The following TSBP1 variants were observed in gnomAD, a reference collection of about 807,000 sequenced individuals.
TSBP1 encodes testis expressed basic protein 1.
Under a neutral mutation model 68.8 loss-of-function variants are expected in TSBP1, and 56 were observed. The observed-to-expected ratio is 0.81, with a 90% confidence interval of 0.66 to 1.02. The LOEUF is 1.02. Among genes scored for constraint, TSBP1 ranks in the 50% least tolerant of loss-of-function variants. The pLI is 0.00. For synonymous variants in TSBP1, 171 were observed against 208.7 expected, an observed-to-expected ratio of 0.82 and a Z score of 1.56; for missense variants, 502 against 641.2, an observed-to-expected ratio of 0.78 and a Z score of 2.34.
intron 19 of TSBP1, among the ~76,000 whole-genome samples, chr6:32,308,431 T>G (rs185480836): frequency 0.038 from 5,650 of 150,578 alleles, 300 homozygotes; most frequent in African/African-American, 0.12. Flanking sequence ...ACCCCGTCTC[T>G]ACTAAAAATA....
At chr6:32,370,027 G>A (rs2127668851) in intron 1 of TSBP1, 44 bp from the exon 2 acceptor site, 1 of 1,258,828 alleles carries the variant, frequency 7.9e-7, no homozygotes, top group Non-Finnish European at 1.2e-6. Flanking sequence ...TTTAGACCAG[G>A]AAATTACCAG....
At position 32,325,999 on chromosome 6, in the gene TSBP1, G is replaced by T; in HGVS notation, c.515-2385C>A. ...TTTTGGAGGTGGTGGAAGCTACAATGATTTTGGCAATTACAACAATCAGTC... is the reference window on the plus strand; with the variant it reads ...TTTTGGAGGTGGTGGAAGCTACAATTATTTTGGCAATTACAACAATCAGTC... On this transcript the variant is annotated intron_variant, in intron 16 of 22. Transcript: ENST00000612031. This position sits in a 1 kb window ranked among gnomAD's most constrained non-coding sequence, Gnocchi z 4.4. 6.5e-7 allele frequency: 1 copy of T among 1,545,188 alleles called. No homozygotes were observed. The highest frequency in any genetic ancestry group is 2.3e-4 in the Middle Eastern group (1 of 4,316).
At chr6:32,324,915 T>C (rs1768049206) in intron 16 of TSBP1, among the ~76,000 whole-genome samples, 1 of 152,094 alleles carries the variant, frequency 6.6e-6, no homozygotes. Flanking sequence ...CAAGTTCCAA[T>C]AGACATCAGT....
At position 32,327,519 on chromosome 6, in the gene TSBP1, T is replaced by A. The variant is rs117214340; in HGVS notation, c.514+3070A>T. ...GTTTCTGCTGGTCTGAGGCAGGAGA[T>A]TGGCTATAAAGTGGTAAAGTGAGGC... On this transcript the variant is annotated intron_variant, in intron 16 of 22. Transcript: ENST00000612031. Among the ~76,000 whole-genome samples, 497 of 152,294 alleles carry A rather than the reference T, an allele frequency of 3.3e-3. 15 individuals carry two copies. The East Asian group carries it at 0.069, about 21-fold the overall frequency.
exon 23 of TSBP1, chr6:32,293,982 T>C: frequency 6.2e-7 from 1 of 1,612,452 alleles, no homozygotes; most frequent in East Asian, 2.2e-5. Flanking sequence ...AGAATCTGGA[T>C]TTTGGAACAA....
At chr6:32,313,108 T>C (rs1766576782) in intron 19 of TSBP1, among the ~76,000 whole-genome samples, 1 of 152,148 alleles carries the variant, frequency 6.6e-6, no homozygotes, top group African/African-American at 2.4e-5. Flanking sequence ...TCTGCCTCCT[T>C]CTTTCTAGCC....
exon 5 of TSBP1, chr6:32,366,276 T>G: frequency 6.3e-7 from 1 of 1,599,610 alleles, no homozygotes; most frequent in South Asian, 1.1e-5. Flanking sequence ...AATTTACCAC[T>G]TTGTGTTGAA....
Position 32,325,913 on chromosome 6 carries a change from G to C in TSBP1, c.515-2299C>G. 1 of 1,553,926 alleles carries C rather than the reference G, an allele frequency of 6.4e-7. No individual in the cohort carries two copies. The highest frequency in any genetic ancestry group is 1.1e-5 in the South Asian group (1 of 89,924). ...TGTGGTGGCTTTGGTGGCAGCTGTG[G>C]TGGTGGTGGATATGGTGGCAGTGAG... On this transcript the variant is annotated intron_variant, in intron 16 of 22. Coordinates refer to ENST00000612031, the Ensembl canonical transcript of TSBP1. This position sits in a 1 kb window ranked among gnomAD's most constrained non-coding sequence, Gnocchi z 4.4.
Position 32,357,772 on chromosome 6 carries a change from T to C in TSBP1, c.218-2103A>G, listed in dbSNP as rs1458884737. 1.3e-5 allele frequency among the ~76,000 whole-genome samples: 2 copies of C among 152,124 alleles called. No homozygotes were observed. The highest frequency in any genetic ancestry group is 1.3e-4 in the Admixed American group (2 of 15,270). On this transcript the variant is annotated intron_variant, in intron 6 of 22. Transcript: ENST00000612031. The surrounding 1 kb of genome is among the most constrained non-coding windows in gnomAD (Gnocchi z 4.7). ...ATTCCAAGGTAGATAGTCTGAGCAA[T>C]TAGGTGAATACAGGTGCTAGCACCA... is the stretch of plus-strand genomic sequence containing the variant.
At chr6:32,355,242 G>T (rs1772166280) in intron 7 of TSBP1, 98 bp from the exon 8 acceptor site, 3 of 1,285,170 alleles carry the variant, frequency 2.3e-6, no homozygotes, top group African/African-American at 1.5e-5. Flanking sequence ...CTTCTCAGGA[G>T]TTAAAGTCTA....
At chr6:32,369,353 T>G (rs1293606278) in intron 2 of TSBP1, among the ~76,000 whole-genome samples, 2 of 148,490 alleles carry the variant, frequency 1.3e-5, no homozygotes, top group Non-Finnish European at 3.0e-5. Flanking sequence ...ATATTCTTAT[T>G]ACTTTTGCTA....
At chr6:32,318,553 T>C (rs1767226058) in intron 18 of TSBP1, among the ~76,000 whole-genome samples, 1 of 152,198 alleles carries the variant, frequency 6.6e-6, no homozygotes, top group Non-Finnish European at 1.5e-5. Context: ...TAATGAAATA[T>C]TATTTGGCCA....
At position 32,306,600 on chromosome 6, in the gene TSBP1, C is replaced by T. The variant is rs1765803317; in HGVS notation, c.581-3971G>A. On this transcript the variant is annotated intron_variant, in intron 19 of 22. Transcript: ENST00000612031. The surrounding 1 kb of genome is among the most constrained non-coding windows in gnomAD (Gnocchi z 5.1). ...TGTGTATCAATATTGTAAAAATCAG[C>T]ACTAAAATTGTTTCCATTAGGAAGC... Among the ~76,000 whole-genome samples, 1 of 152,172 alleles carries T rather than the reference C, an allele frequency of 6.6e-6. No individual in the cohort carries two copies. Among genetic ancestry groups the T allele is most frequent in the Non-Finnish European group, 1.5e-5 (1 of 68,030 alleles).
Position 32,336,737 on chromosome 6 carries a change from A to G in TSBP1, c.410-102T>C. 1 of 1,033,932 alleles carries G rather than the reference A, an allele frequency of 9.7e-7. No individual in the cohort carries two copies. Among genetic ancestry groups the G allele is most frequent in the Non-Finnish European group, 1.5e-6 (1 of 670,384 alleles). The allele number at this position is 1,033,932 out of a possible 1,614,324, so 64.0% of individuals were successfully genotyped here. A position where few individuals can be genotyped will look rare whatever the true frequency, so the allele number is the denominator to read the frequency against. ...CTATGAAGCAATTCAACCAGAGGAG[A>G]ACAACTACTGTGGGACTGCAGATGA... On this transcript the variant is annotated intron_variant, in intron 11 of 22. Transcript: ENST00000612031. This position sits in a 1 kb window ranked among gnomAD's most constrained non-coding sequence, Gnocchi z 5.2.
Position 32,335,505 on chromosome 6 carries a change from A to G in TSBP1, c.452-48T>C. 8.5e-7 allele frequency: 1 copy of G among 1,178,990 alleles called. No homozygotes were observed. Among genetic ancestry groups the G allele is most frequent in the Non-Finnish European group, 1.1e-6 (1 of 909,878 alleles). 73.0% of individuals were successfully genotyped at this position (1,178,990 alleles called of 1,614,324 possible). On this transcript the variant is annotated intron_variant, in intron 13 of 22. Transcript: ENST00000612031. This position sits in a 1 kb window ranked among gnomAD's most constrained non-coding sequence, Gnocchi z 5.5. ...ATCAGTAGCTATATATATATTTTAT[A>G]TATACTTTTTATTTATATACTTTAA...
chr6:32,328,055 T>C (rs1428742352), intron 16 of TSBP1, among the ~76,000 whole-genome samples: 1 of 152,004 alleles, frequency 6.6e-6, no homozygotes, highest in Non-Finnish European at 1.5e-5. Context: ...CTGCCCACCT[T>C]GGCCTCCCAA....
Position 32,337,560 on chromosome 6 carries a change from T to C in TSBP1, c.410-925A>G, listed in dbSNP as rs1769819002. ...CCATGTAAAAGGGAATAGAAACTGC[T>C]AGGTTGACTTAAGACATTTATAGGT... On this transcript the variant is annotated intron_variant, in intron 11 of 22. Transcript: ENST00000612031. This position sits in a 1 kb window ranked among gnomAD's most constrained non-coding sequence, Gnocchi z 5.5. Among the ~76,000 whole-genome samples the C allele has an allele frequency of 6.6e-6, 1 of 152,188 alleles. No homozygotes were observed. The highest frequency in any genetic ancestry group is 2.1e-4 in the South Asian group (1 of 4,826).
At position 32,302,954 on chromosome 6, in the gene TSBP1, G is replaced by A. The variant is rs116416438; in HGVS notation, c.581-325C>T. On this transcript the variant is annotated intron_variant, in intron 19 of 22. Coordinates refer to ENST00000612031, the Ensembl canonical transcript of TSBP1. This position sits in a 1 kb window ranked among gnomAD's most constrained non-coding sequence, Gnocchi z 5.1. ...AGACTCCTGCTTAAGAGCCACCAATGGTTCCCCATCTTGGTTTAACAAAAG... is the reference window on the plus strand; with the variant it reads ...AGACTCCTGCTTAAGAGCCACCAATAGTTCCCCATCTTGGTTTAACAAAAG... Among the ~76,000 whole-genome samples the A allele has an allele frequency of 0.026, 3,971 of 152,202 alleles. 126 individuals are homozygous for A. The highest frequency in any genetic ancestry group is 0.15 in the East Asian group (780 of 5,172).
At chr6:32,346,899 G>A (rs4959096) in intron 9 of TSBP1, among the ~76,000 whole-genome samples, 51,101 of 151,888 alleles carry the variant, frequency 0.34, 9,658 homozygotes, top group Middle Eastern at 0.52. Flanking sequence ...CAGTTAGATG[G>A]GAGGAATACT....
Sources: allele counts gnomAD v4.1 joint callset (sites outside exome capture counted in the v4.1 genomes callset), GRCh38; gene constraint gnomAD v4.1.1; non-coding constraint Gnocchi (gnomAD v3.1); transcripts MANE v1.5; gene names NCBI Gene and HGNC (gene_info 2026-07-23, HGNC 2026-07-21).